The following TEAD1 variants were observed in gnomAD, a reference collection of about 807,000 sequenced individuals.
TEAD1 encodes the protein TEA domain transcription factor 1.
Under a neutral mutation model 54.9 loss-of-function variants are expected in TEAD1, and 9 were observed. The ratio of observed to expected loss-of-function variants is 0.16; its 90% CI spans 0.10 to 0.29. TEAD1 has a LOEUF of 0.29. Among genes scored for constraint, TEAD1 ranks in the 10% least tolerant of loss-of-function variants. TEAD1 has a pLI of 1.00. For missense variants in TEAD1, 387 were observed against 535.9 expected (o/e 0.72, Z 2.74); for synonymous variants, 200 against 187.8 (o/e 1.07, Z -0.53).
intron 2 of TEAD1, among the ~76,000 whole-genome samples, chr11:12,709,732 G>T (rs1374603277): frequency 6.6e-6 from 1 of 151,916 alleles, no homozygotes; most frequent in Non-Finnish European, 1.5e-5. Flanking sequence ...TCTGTTGCCC[G>T]GGGTGGTCTT....
At chr11:12,714,157 C>A (rs1036768343) in intron 2 of TEAD1, among the ~76,000 whole-genome samples, 1 of 152,100 alleles carries the variant, frequency 6.6e-6, no homozygotes, top group African/African-American at 2.4e-5. Context: ...GGCTGCCAGG[C>A]AGTTCATCAG....
chr11:12,854,758 ATTTTTTTTTT>A (rs11364747), intron 3 of TEAD1, among the ~76,000 whole-genome samples: 2 of 124,096 alleles, frequency 1.6e-5, no homozygotes, highest in African/African-American at 5.9e-5. Flanking sequence ...AGCCTGGCTG[ATTTTTTTTTT>A]TTTTTTTTTT....
rs1276609671 is a variant in TEAD1, at chr11:12,806,028, AC to A, written c.202+41596del. ...CACTTTCATGTTTAAATGTAGACAA[AC>A]CTGTCCCTAATATTTATGGAGCCTG... On this transcript the variant is annotated intron_variant, in intron 3 of 12. Transcript: ENST00000527636. Among the ~76,000 whole-genome samples the A allele has an allele frequency of 2.6e-5, 4 of 152,168 alleles. No homozygotes were observed. The East Asian group carries it at 7.7e-4, about 29-fold the overall frequency.
At chr11:12,806,563 A>G (rs1946177273) in intron 3 of TEAD1, among the ~76,000 whole-genome samples, 1 of 152,208 alleles carries the variant, frequency 6.6e-6, no homozygotes, top group South Asian at 2.1e-4. Flanking sequence ...GACCAGAGCA[A>G]GACCCTCTAA....
chr11:12,896,469 A>G (rs1475211808), intron 9 of TEAD1, among the ~76,000 whole-genome samples: 27 of 152,232 alleles, frequency 1.8e-4, no homozygotes, highest in Admixed American at 1.7e-3. Context: ...TACCTTAAAT[A>G]TCTGAAAGAG....
chr11:12,767,945 C>A (rs1945240312), intron 3 of TEAD1, among the ~76,000 whole-genome samples: 1 of 152,142 alleles, frequency 6.6e-6, no homozygotes, highest in South Asian at 2.1e-4. Context: ...GAGGGAAGTT[C>A]TTGATCAACA....
At chr11:12,691,376 C>T (rs1473198989) in intron 2 of TEAD1, among the ~76,000 whole-genome samples, 1 of 152,078 alleles carries the variant, frequency 6.6e-6, no homozygotes, top group African/African-American at 2.4e-5. Flanking sequence ...GTTTGGGTTC[C>T]TTTTAGTGAG....
intron 10 of TEAD1, among the ~76,000 whole-genome samples, chr11:12,923,923 C>T (rs992176886): frequency 6.6e-6 from 1 of 152,210 alleles, no homozygotes; most frequent in Non-Finnish European, 1.5e-5. Context: ...AATGATCAAA[C>T]GCTGCAGCAG....
At chr11:12,896,802 G>A (rs577031067) in intron 9 of TEAD1, among the ~76,000 whole-genome samples, 1 of 152,344 alleles carries the variant, frequency 6.6e-6, no homozygotes, top group Admixed American at 6.5e-5. Context: ...CAGTCACTCT[G>A]TAGGTTCTAT....
Position 12,938,762 on chromosome 11 carries a change from T to A in TEAD1, c.*1540T>A, listed in dbSNP as rs1305642736. 6.6e-6 allele frequency: 1 copy of A among 152,268 alleles called. No individual in the cohort carries two copies. Among genetic ancestry groups the A allele is most frequent in the East Asian group, 1.9e-4 (1 of 5,194 alleles). The allele number at this position is 152,268 out of a possible 1,614,324, so 9.4% of individuals were successfully genotyped here. On this transcript the variant is annotated 3_prime_UTR_variant, in exon 13 of 13. Coordinates refer to ENST00000527636, the MANE Select transcript of TEAD1 (RefSeq NM_021961.6). ...GTTTGATGTGGCCAGATGTTTTGAGTTATTTCCCTTAAGTGTTTCACTGGG... is the reference window on the plus strand; with the variant it reads ...GTTTGATGTGGCCAGATGTTTTGAGATATTTCCCTTAAGTGTTTCACTGGG...
intron 2 of TEAD1, among the ~76,000 whole-genome samples, chr11:12,753,298 G>A: frequency 6.6e-6 from 1 of 152,184 alleles, no homozygotes; most frequent in African/African-American, 2.4e-5. Flanking sequence ...TGGAATTGCT[G>A]AATCAGGAGG....
intron 2 of TEAD1, among the ~76,000 whole-genome samples, chr11:12,684,396 G>A (rs1943289296): frequency 6.6e-6 from 1 of 152,136 alleles, no homozygotes; most frequent in Admixed American, 6.5e-5. Flanking sequence ...CATTGGGGTT[G>A]GGTTGTAAAA....
intron 3 of TEAD1, among the ~76,000 whole-genome samples, chr11:12,825,724 A>AT (rs146348416): frequency 0.045 from 6,918 of 152,220 alleles, 568 homozygotes; most frequent in African/African-American, 0.16. Flanking sequence ...AGAAAAAAAG[A>AT]TTAGGGGTCT....
At chr11:12,833,956 CTGTT>C (rs1299353498) in intron 3 of TEAD1, among the ~76,000 whole-genome samples, 3 of 152,168 alleles carry the variant, frequency 2.0e-5, no homozygotes, top group African/African-American at 7.2e-5. Context: ...TGGGCTGTGT[CTGTT>C]TGCTTGACAC....
intron 10 of TEAD1, among the ~76,000 whole-genome samples, chr11:12,909,633 C>A (rs779244189): frequency 3.3e-5 from 5 of 152,092 alleles, no homozygotes; most frequent in Non-Finnish European, 7.4e-5. Flanking sequence ...GCACATGTAT[C>A]CCAGAAATTG....
At chr11:12,859,504 T>C (rs1303263642) in intron 3 of TEAD1, among the ~76,000 whole-genome samples, 1 of 152,226 alleles carries the variant, frequency 6.6e-6, no homozygotes, top group Non-Finnish European at 1.5e-5. Context: ...TACTCCTAGC[T>C]GGGCTCTGTT....
chr11:12,919,706 CCCAGG>C (rs1948770460), intron 10 of TEAD1, among the ~76,000 whole-genome samples: 1 of 152,072 alleles, frequency 6.6e-6, no homozygotes, highest in Admixed American at 6.6e-5. Context: ...CCCTATGTTG[CCCAGG>C]CTGGTCTCGA....
chr11:12,787,284 T>G (rs943142944), intron 3 of TEAD1, among the ~76,000 whole-genome samples: 1 of 152,144 alleles, frequency 6.6e-6, no homozygotes, highest in Admixed American at 6.5e-5. Context: ...TCTTTTTGCC[T>G]TTTTCTTCCT....
intron 3 of TEAD1, among the ~76,000 whole-genome samples, chr11:12,776,774 TATTATTATTATTATTATTATTATTATC>T (rs1945428837): frequency 2.4e-5 from 3 of 125,784 alleles, no homozygotes; most frequent in African/African-American, 1.5e-4. Context: ...TTATTATTAT[TATTATTATTATTATTATTATTATTATC>T]ATTATTATTA....
Sources: allele counts gnomAD v4.1 joint callset (sites outside exome capture counted in the v4.1 genomes callset), GRCh38; gene constraint gnomAD v4.1.1; transcripts MANE v1.5; gene names NCBI Gene and HGNC (gene_info 2026-07-23, HGNC 2026-07-21).